The following FAM184A variants were observed in gnomAD, a reference collection of about 807,000 sequenced individuals.
FAM184A encodes protein FAM184A.
FAM184A carries 99 observed loss-of-function variants against 143.8 expected under a neutral mutation model. The observed-to-expected ratio is 0.69, with a 90% CI of 0.58 to 0.81. The LOEUF (loss-of-function observed/expected upper bound fraction) is 0.81. Ranked by LOEUF, FAM184A falls within the 40% of genes least tolerant of loss-of-function variation. The pLI is 0.00. For synonymous variants in FAM184A, 427 were observed against 446.4 expected, an observed-to-expected ratio of 0.96 and a Z score of 0.55; for missense variants, 1,217 against 1,310.5, an observed-to-expected ratio of 0.93 and a Z score of 1.10.
chr6:119,048,910 T>C (rs1290435829), intron 1 of FAM184A, among the ~76,000 whole-genome samples: 1 of 152,182 alleles, frequency 6.6e-6, no homozygotes, highest in Non-Finnish European at 1.5e-5. Flanking sequence ...AAAGAATCAA[T>C]ATCATTAAAA....
chr6:119,098,295 G>A (rs151332881), intron 1 of FAM184A, among the ~76,000 whole-genome samples: 21 of 152,278 alleles, frequency 1.4e-4, no homozygotes, highest in African/African-American at 4.8e-4. Context: ...GGAACTGTGA[G>A]TCCATTAAAC....
intron 1 of FAM184A, among the ~76,000 whole-genome samples, chr6:119,139,530 G>A (rs1772138937): frequency 6.6e-6 from 1 of 151,916 alleles, no homozygotes; most frequent in Non-Finnish European, 1.5e-5. Flanking sequence ...TTACAGCAGA[G>A]ACAGGAAAAA....
Position 118,974,516 on chromosome 6 carries a change from C to G in FAM184A, c.2827G>C (p.Asp943His), listed in dbSNP as rs1783790174. ...ATGATATTTTTCTCTCTGAGGTGGT[C>G]TGCTGTCATGACATCCAACTCTTTT... ...LEKELDVMTA[D>H]HLREKNIMRA... Residue 943 changes from aspartate (D) to histidine (H), a missense_variant, in exon 14 of 18, where the codon GAC becomes CAC. Transcript: ENST00000338891. 4.3e-6 allele frequency: 7 copies of G among 1,612,148 alleles called. No individual in the cohort carries two copies. Among genetic ancestry groups the G allele is most frequent in the Non-Finnish European group, 5.9e-6 (7 of 1,178,904 alleles).
chr6:119,116,861 G>T (rs887153197), intron 1 of FAM184A, among the ~76,000 whole-genome samples: 5 of 152,220 alleles, frequency 3.3e-5, no homozygotes, highest in African/African-American at 1.2e-4. Context: ...CAGTCCCTTT[G>T]TAAAGAGTAA....
chr6:119,113,247 G>A (rs1788977333), intron 1 of FAM184A, among the ~76,000 whole-genome samples: 1 of 152,024 alleles, frequency 6.6e-6, no homozygotes, highest in South Asian at 2.1e-4. Context: ...TACAACTGTG[G>A]CCAGGAAACT....
At chr6:119,056,441 T>C in intron 1 of FAM184A, among the ~76,000 whole-genome samples, 1 of 152,036 alleles carries the variant, frequency 6.6e-6, no homozygotes, top group East Asian at 1.9e-4. Context: ...AAACCTAGGG[T>C]TCTATCGTCC....
intron 10 of FAM184A, 116 bp from the exon 11 acceptor site, chr6:118,979,634 T>C (rs1244175352): frequency 3.7e-6 from 3 of 806,672 alleles, no homozygotes; most frequent in Non-Finnish European, 5.6e-6. Flanking sequence ...ATGTTTTAGG[T>C]TCATTTTCAA....
At chr6:119,137,819 G>C (rs1772073174) in intron 1 of FAM184A, among the ~76,000 whole-genome samples, 1 of 152,152 alleles carries the variant, frequency 6.6e-6, no homozygotes, top group Non-Finnish European at 1.5e-5. Context: ...TACGTGCCAG[G>C]CTGGCTTGTT....
Position 119,009,977 on chromosome 6 carries a change from T to C in FAM184A, c.1653+1332A>G, listed in dbSNP as rs530294338. Among the ~76,000 whole-genome samples the C allele has an allele frequency of 5.3e-5, 8 of 152,304 alleles. No individual in the cohort carries two copies. In the South Asian group the frequency reaches 1.7e-3, roughly 32 times the overall value. On this transcript the variant is annotated intron_variant, in intron 6 of 17. Coordinates refer to ENST00000338891, the MANE Select transcript of FAM184A (RefSeq NM_024581.6). ...ATTTAACTCCTAGAAGGACCCTAAA[T>C]GCCTTCACTTTCTTGACCTTGTATT...
intron 1 of FAM184A, among the ~76,000 whole-genome samples, chr6:119,102,671 C>T (rs1788670738): frequency 6.7e-6 from 1 of 149,938 alleles, no homozygotes; most frequent in South Asian, 2.1e-4. Flanking sequence ...GCACCTGTAG[C>T]CCCAGCTACT....
chr6:119,061,872 C>T (rs1217962553), intron 1 of FAM184A, among the ~76,000 whole-genome samples: 2 of 152,096 alleles, frequency 1.3e-5, no homozygotes, highest in Non-Finnish European at 2.9e-5. Flanking sequence ...AAACATCATA[C>T]GTACCCCATC....
intron 7 of FAM184A, chr6:119,006,139 T>C (rs761293048): frequency 1.3e-6 from 1 of 765,248 alleles, no homozygotes; most frequent in East Asian, 2.4e-5. Flanking sequence ...ATGGAAATTA[T>C]GTTGCCGAAT....
At chr6:118,981,127 G>A (rs1784007143) in intron 9 of FAM184A, among the ~76,000 whole-genome samples, 1 of 152,096 alleles carries the variant, frequency 6.6e-6, no homozygotes, top group South Asian at 2.1e-4. Context: ...ATCAGCCTCA[G>A]TATGTCTGTA....
At chr6:119,140,121 A>G (rs1038952239) in intron 1 of FAM184A, among the ~76,000 whole-genome samples, 1 of 152,184 alleles carries the variant, frequency 6.6e-6, no homozygotes, top group African/African-American at 2.4e-5. Context: ...TGTGTGGGTG[A>G]AAGTGGGCTT....
At position 119,024,026 on chromosome 6, in the gene FAM184A, G is replaced by C. The variant is rs1294716698; in HGVS notation, c.947C>G (p.Ala316Gly). 6.2e-7 allele frequency: 1 copy of C among 1,612,846 alleles called. No individual in the cohort carries two copies. ...KTELQMVQDE[A>G]GSLLDKCQKL... Reference sequence around the variant, plus strand: ...TTGGCATTTGTCAAGAAGACTTCCAGCTTCATCCTGTACCATCTGTAACTC... The same window carrying C: ...TTGGCATTTGTCAAGAAGACTTCCACCTTCATCCTGTACCATCTGTAACTC... Residue 316 changes from alanine to glycine, a missense_variant, in exon 2 of 18, where the codon GCT (alanine) becomes GGT (glycine). Physicochemically the swap from Ala to Gly is moderately conservative, Grantham distance 60. Transcript: ENST00000338891.
intron 1 of FAM184A, among the ~76,000 whole-genome samples, chr6:119,097,761 T>C (rs1788544717): frequency 6.6e-6 from 1 of 152,170 alleles, no homozygotes; most frequent in Non-Finnish European, 1.5e-5. Context: ...ACAGAATCTG[T>C]CTCTCTCTTT....
intron 16 of FAM184A, chr6:118,962,606 T>C (rs1170186839): frequency 6.6e-6 from 1 of 152,226 alleles, no homozygotes; most frequent in South Asian, 2.1e-4. Flanking sequence ...AATTTCCATA[T>C]TACTTGGCAG....
intron 1 of FAM184A, among the ~76,000 whole-genome samples, chr6:119,128,887 G>GTT (rs56356208): frequency 6.7e-6 from 1 of 150,040 alleles, no homozygotes; most frequent in African/African-American, 2.4e-5. Flanking sequence ...TCCCTTACTA[G>GTT]TTTTTTTTTT....
intron 1 of FAM184A, among the ~76,000 whole-genome samples, chr6:119,146,396 ACG>A (rs1491102484): frequency 1.2e-3 from 115 of 95,428 alleles, no homozygotes; most frequent in African/African-American, 4.5e-3. Flanking sequence ...CGATTAACTT[ACG>A]TGTGTGTGTG....
Sources: gnomAD v4.1 joint callset for allele counts (sites outside exome capture counted in the v4.1 genomes callset) on GRCh38, gnomAD v4.1.1 for gene constraint, MANE v1.5 for transcripts, NCBI Gene and HGNC (gene_info 2026-07-23, HGNC 2026-07-21) for gene names.